ALK: variants seen among roughly 807,000 people sequenced by gnomAD.
ALK encodes the protein ALK receptor tyrosine kinase.
Under a neutral mutation model 163.1 loss-of-function variants are expected in ALK, and 74 were observed. The ratio of observed to expected loss-of-function variants is 0.45; its 90% CI spans 0.38 to 0.55. The LOEUF is 0.55. Among genes scored for constraint, ALK ranks in the 20% least tolerant of loss-of-function variants. The pLI is 0.00. For missense variants in ALK, 2,063 were observed against 2,105.3 expected (o/e 0.98, Z 0.39); for synonymous variants, 960 against 843.2 (o/e 1.14, Z -2.40).
chr2:29,748,141 A>G (rs1343177707), intron 1 of ALK, among the ~76,000 whole-genome samples: 1 of 152,174 alleles, frequency 6.6e-6, no homozygotes, highest in East Asian at 1.9e-4. Flanking sequence ...AGAGATCCAC[A>G]TGGTGCCTTT....
chr2:29,216,999 G>A (rs1165996562), intron 23 of ALK, among the ~76,000 whole-genome samples: 4 of 144,160 alleles, frequency 2.8e-5, no homozygotes, highest in African/African-American at 1.0e-4. Context: ...TGTGAGGTGT[G>A]TGTGGTGTGT....
At chr2:29,830,612 T>C (rs1223665927) in intron 1 of ALK, among the ~76,000 whole-genome samples, 1 of 149,126 alleles carries the variant, frequency 6.7e-6, no homozygotes, top group Non-Finnish European at 1.5e-5. Context: ...CTCGTACCTG[T>C]AATCCCAGTG....
At chr2:29,466,122 G>C (rs898867682) in intron 4 of ALK, among the ~76,000 whole-genome samples, 3 of 152,124 alleles carry the variant, frequency 2.0e-5, no homozygotes, top group Non-Finnish European at 4.4e-5. Context: ...AACTAAAATG[G>C]AATCACAAAC....
At chr2:29,300,360 C>T (rs1666333296) in intron 8 of ALK, among the ~76,000 whole-genome samples, 1 of 151,918 alleles carries the variant, frequency 6.6e-6, no homozygotes, top group African/African-American at 2.4e-5. Flanking sequence ...ACCAGCCTGG[C>T]AAACATGGTG....
At chr2:29,439,698 A>G in intron 4 of ALK, among the ~76,000 whole-genome samples, 1 of 91,320 alleles carries the variant, frequency 1.1e-5, no homozygotes, top group East Asian at 3.0e-4. Flanking sequence ...AAAAAAAAAA[A>G]AAAAAAGGAT....
At chr2:29,586,695 G>A (rs1558396815) in intron 3 of ALK, among the ~76,000 whole-genome samples, 1 of 152,184 alleles carries the variant, frequency 6.6e-6, no homozygotes. Flanking sequence ...GACAACTTGT[G>A]CAGTGTGATT....
chr2:29,763,584 G>A (rs2148338994), intron 1 of ALK, among the ~76,000 whole-genome samples: 1 of 152,272 alleles, frequency 6.6e-6, no homozygotes, highest in African/African-American at 2.4e-5. Flanking sequence ...ATGGGCCACT[G>A]GAGACCCAGC....
chr2:29,662,883 T>C (rs545320793), intron 3 of ALK, among the ~76,000 whole-genome samples: 3 of 152,314 alleles, frequency 2.0e-5, no homozygotes, highest in Admixed American at 6.5e-5. Context: ...GATAAAAATA[T>C]GAGCTCCTTA....
chr2:29,645,516 T>TA (rs948011980), intron 3 of ALK, among the ~76,000 whole-genome samples: 1 of 152,168 alleles, frequency 6.6e-6, no homozygotes, highest in African/African-American at 2.4e-5. Context: ...AGAATCATCA[T>TA]AAAATCTTAG....
intron 1 of ALK, among the ~76,000 whole-genome samples, chr2:29,870,381 T>A (rs1417047599): frequency 6.6e-6 from 1 of 151,854 alleles, no homozygotes; most frequent in Admixed American, 6.6e-5. Context: ...CGGGAGAGTG[T>A]TACATACTTT....
At chr2:29,444,144 C>A (rs758054297) in intron 4 of ALK, among the ~76,000 whole-genome samples, 4 of 152,172 alleles carry the variant, frequency 2.6e-5, no homozygotes, top group Non-Finnish European at 5.9e-5. Context: ...AACAGTCCTA[C>A]GTGGGGAGGC....
chr2:29,783,636 T>C (rs2148352110), intron 1 of ALK, among the ~76,000 whole-genome samples: 1 of 152,360 alleles, frequency 6.6e-6, no homozygotes, highest in East Asian at 1.9e-4. Context: ...GAGAAATCTC[T>C]ACTGAGTTTT....
chr2:29,560,958 A>C (rs1208649988), intron 3 of ALK, among the ~76,000 whole-genome samples: 2 of 152,092 alleles, frequency 1.3e-5, no homozygotes, highest in African/African-American at 2.4e-5. Context: ...TGTACCTGAA[A>C]TGTCATTAAT....
intron 4 of ALK, among the ~76,000 whole-genome samples, chr2:29,470,670 A>C (rs1233908074): frequency 7.9e-6 from 1 of 125,854 alleles, no homozygotes; most frequent in East Asian, 2.3e-4. Flanking sequence ...AAGACATTTC[A>C]GACAAAACAG....
chr2:29,662,205 C>T (rs978932323), intron 3 of ALK, among the ~76,000 whole-genome samples: 1 of 152,148 alleles, frequency 6.6e-6, no homozygotes, highest in Non-Finnish European at 1.5e-5. Flanking sequence ...AGCCACCACG[C>T]CCGGCCTATC....
At chr2:29,248,578 C>T (rs747597804) in intron 12 of ALK, among the ~76,000 whole-genome samples, 13 of 152,196 alleles carry the variant, frequency 8.5e-5, no homozygotes, top group African/African-American at 2.4e-4. Context: ...TTGGACACTT[C>T]GAAATGTCCT....
chr2:29,663,765 G>A (rs542908421), intron 3 of ALK, among the ~76,000 whole-genome samples: 1 of 152,184 alleles, frequency 6.6e-6, no homozygotes, highest in Non-Finnish European at 1.5e-5. Context: ...TTTAAATTTT[G>A]TTCCATGTAA....
chr2:29,219,873 A>G (rs1192496062), intron 23 of ALK, among the ~76,000 whole-genome samples: 1 of 152,164 alleles, frequency 6.6e-6, no homozygotes, highest in Non-Finnish European at 1.5e-5. Context: ...TGTTAACCAT[A>G]AGATGTGTGT....
intron 1 of ALK, among the ~76,000 whole-genome samples, chr2:29,805,232 T>C (rs1228461686): frequency 6.6e-6 from 1 of 152,168 alleles, no homozygotes; most frequent in Non-Finnish European, 1.5e-5. Context: ...TCCTTACACA[T>C]TAAGGGCTAC....
Sources: allele counts gnomAD v4.1 joint callset (sites outside exome capture counted in the v4.1 genomes callset), GRCh38; gene constraint gnomAD v4.1.1; transcripts MANE v1.5; gene names NCBI Gene and HGNC (gene_info 2026-07-23, HGNC 2026-07-21).